TIPARP: variants seen among roughly 807,000 people sequenced by gnomAD.
The protein encoded by TIPARP is TCDD inducible poly(ADP-ribose) polymerase.
TIPARP carries 12 observed loss-of-function variants against 56.5 expected under a neutral mutation model. The observed-to-expected ratio is 0.21, with a 90% CI of 0.14 to 0.34. The LOEUF (loss-of-function observed/expected upper bound fraction) is 0.34, where lower values mean the gene tolerates loss of function less well. Among genes scored for constraint, TIPARP ranks in the 10% least tolerant of loss-of-function variants. TIPARP has a pLI of 1.00. For synonymous variants in TIPARP, 296 were observed against 265.7 expected, an observed-to-expected ratio of 1.11 and a Z score of -1.11; for missense variants, 604 against 781.6, an observed-to-expected ratio of 0.77 and a Z score of 2.71.
intron 2 of TIPARP, chr3:156,681,216 C>T: frequency 2.2e-6 from 1 of 456,544 alleles, no homozygotes; most frequent in Non-Finnish European, 4.4e-6. Flanking sequence ...CATTATTTGG[C>T]TAAAGCTATT....
At position 156,706,762 on chromosome 3, in the gene TIPARP, T is replaced by C. The variant is rs1722993473; in HGVS notation, c.*1631T>C. ...AAGCAAAAATAAAACTTATGGTAAT[T>C]CTTTAAAATTTGTTGTTGTTTTGGT... is the stretch of plus-strand genomic sequence containing the variant. On this transcript the variant is annotated 3_prime_UTR_variant, in exon 6 of 6. Coordinates refer to ENST00000295924, the MANE Select transcript of TIPARP (RefSeq NM_015508.5). 6.6e-6 allele frequency: 1 copy of C among 152,534 alleles called. No homozygotes were observed. The highest frequency in any genetic ancestry group is 2.4e-5 in the African/African-American group (1 of 41,440). The allele number at this position is 152,534 out of a possible 1,614,324, so 9.4% of individuals were successfully genotyped here.
rs368317462 is a variant in TIPARP at position 156,687,622 on chromosome 3, T to A, written c.918-6398T>A. Among the ~76,000 whole-genome samples the A allele has an allele frequency of 6.0e-3, 919 of 152,204 alleles. 3 individuals are homozygous for A. The highest frequency in any genetic ancestry group is 0.021 in the African/African-American group (868 of 41,552). On this transcript the variant is annotated intron_variant, in intron 2 of 5. Coordinates refer to ENST00000295924, the MANE Select transcript of TIPARP (RefSeq NM_015508.5). The stretch of plus-strand genomic sequence containing the variant: ...ATGGCTATGTCTTAGTATCAGTGTG[T>A]TTTGAGAATAAACTGTGTTATGTTT...
Position 156,693,484 on chromosome 3 carries a change from AG to A in TIPARP, c.918-535del, listed in dbSNP as rs368971641. On this transcript the variant is annotated intron_variant, in intron 2 of 5. Coordinates refer to ENST00000295924, the MANE Select transcript of TIPARP (RefSeq NM_015508.5). ...AACATTTTTCAACCCACAGGATAAA[AG>A]ATAATATTGATGTTGGGTGGATTAA... is the stretch of plus-strand genomic sequence containing the variant. Among the ~76,000 whole-genome samples, 455 of 152,296 alleles carry A rather than the reference AG, an allele frequency of 3.0e-3. 3 individuals carry two copies. The highest frequency in any genetic ancestry group is 0.01 in the African/African-American group (429 of 41,562).
Position 156,704,982 on chromosome 3 carries a change from G to A in TIPARP, c.1825G>A (p.Val609Ile), listed in dbSNP as rs759897350. 3.1e-6 allele frequency: 5 copies of A among 1,614,238 alleles called. No individual in the cohort carries two copies. In the Admixed American group the frequency reaches 8.3e-5, roughly 27 times the overall value. The change falls in exon 6 of 6, where the codon GTC becomes ATC. Residue 609 changes from valine (V) to isoleucine (I), a missense_variant. By Grantham distance (29) the Val-to-Ile change is conservative (BLOSUM62 3). Transcript: ENST00000295924. ...GSHGMRRPPP[V>I]NPGSVTSDLY... ...TCATGGCATGAGAAGGCCCCCGCCAGTCAATCCTGGCAGTGTCACCAGTGA... is the reference window on the plus strand; with the variant it reads ...TCATGGCATGAGAAGGCCCCCGCCAATCAATCCTGGCAGTGTCACCAGTGA...
At chr3:156,701,488 G>GA (rs1255268551) in intron 4 of TIPARP, among the ~76,000 whole-genome samples, 1 of 152,134 alleles carries the variant, frequency 6.6e-6, no homozygotes, top group East Asian at 1.9e-4. Context: ...GTGGGCTGGG[G>GA]ACTTACCCTT....
At chr3:156,702,067 TGGTGGTTGTGGTGGTG>T (rs1722860825) in intron 4 of TIPARP, among the ~76,000 whole-genome samples, 2 of 124,208 alleles carry the variant, frequency 1.6e-5, no homozygotes, top group Non-Finnish European at 3.6e-5. Flanking sequence ...GTGGTGGTGG[TGGTGGTTGTGGTGGTG>T]GTGGTGGTGG....
rs1722213007 is a variant in TIPARP, at chr3:156,678,631, A to G, written c.917+17A>G. On this transcript the variant is annotated intron_variant, in intron 2 of 5. Transcript: ENST00000295924. ...GAAGTATGGGTATGTATTTATAACA[A>G]CTTGTAGAACTGTTGTTAAATGCTA... 1.3e-6 allele frequency: 2 copies of G among 1,592,724 alleles called. No individual in the cohort carries two copies. Among genetic ancestry groups the G allele is most frequent in the Non-Finnish European group, 1.7e-6 (2 of 1,168,738 alleles).
intron 2 of TIPARP, among the ~76,000 whole-genome samples, chr3:156,683,472 G>T (rs1722353923): frequency 6.6e-6 from 1 of 151,882 alleles, no homozygotes; most frequent in South Asian, 2.1e-4. Context: ...AAAGTTTTGG[G>T]TTTGAAGCAC....
chr3:156,696,092 A>C, intron 4 of TIPARP, 67 bp downstream of exon 4: 1 of 1,520,336 alleles, frequency 6.6e-7, no homozygotes, highest in East Asian at 2.4e-5. Flanking sequence ...TGAATACTAG[A>C]GATAAAAAAT....
intron 2 of TIPARP, chr3:156,681,215 G>A (rs1203478761): frequency 2.2e-6 from 1 of 456,564 alleles, no homozygotes; most frequent in East Asian, 7.0e-5. Flanking sequence ...ACATTATTTG[G>A]CTAAAGCTAT....
intron 2 of TIPARP, among the ~76,000 whole-genome samples, chr3:156,693,160 C>CA (rs372602719): frequency 6.7e-4 from 102 of 151,810 alleles, no homozygotes; most frequent in African/African-American, 2.4e-3. Flanking sequence ...CAAACATACA[C>CA]AAAAAAGAAA....
rs369171343 is a variant in TIPARP at position 156,696,044 on chromosome 3, G to A, written c.1247+19G>A. On this transcript the variant is annotated intron_variant, in intron 4 of 5. Coordinates refer to ENST00000295924, the MANE Select transcript of TIPARP (RefSeq NM_015508.5). ...ATTTACAGTAAGTGTCGAGTATGAA[G>A]TTGCAATATTTACTCTCATTTTATG... 1.1e-5 allele frequency: 17 copies of A among 1,595,144 alleles called. No individual in the cohort carries two copies. The highest frequency in any genetic ancestry group is 1.4e-5 in the Non-Finnish European group (16 of 1,174,276).
rs776332548 is a variant in TIPARP, at chr3:156,677,906, A to G, written c.209A>G (p.Asp70Gly). The G allele has an allele frequency of 9.3e-6, 15 of 1,614,004 alleles. No individual in the cohort carries two copies. In the South Asian group the frequency reaches 1.1e-4, roughly 12 times the overall value. The change falls in exon 2 of 6, where the codon GAT becomes GGT. Residue 70 changes from aspartate to glycine, a missense_variant. Physicochemically the swap from Asp to Gly is moderately conservative, Grantham distance 94 (BLOSUM62 -1). Around this residue, in one of 4 missense-constraint regions of TIPARP, gnomAD observed 261 missense variants for 279.2 expected, o/e 0.93. Transcript: ENST00000295924. ...LNTLLESGSL[D>G]GVFRSRNQST... Reference sequence around the variant, plus strand: ...ACTCTTCTAGAATCTGGCTCACTTGATGGGGTTTTTAGATCTAGGAACCAG... The same window carrying G: ...ACTCTTCTAGAATCTGGCTCACTTGGTGGGGTTTTTAGATCTAGGAACCAG...
intron 2 of TIPARP, among the ~76,000 whole-genome samples, chr3:156,680,886 T>C (rs144408994): frequency 1.3e-5 from 2 of 152,318 alleles, no homozygotes; most frequent in Non-Finnish European, 2.9e-5. Flanking sequence ...TGAAGTATTA[T>C]AATTACCATT....
intron 2 of TIPARP, among the ~76,000 whole-genome samples, 184 bp downstream of exon 2, chr3:156,678,798 A>G (rs1170155940): frequency 6.6e-6 from 1 of 152,122 alleles, no homozygotes; most frequent in Admixed American, 6.5e-5. Context: ...ACTCAACCGG[A>G]CAATGAAAGT....
At position 156,678,552 on chromosome 3, in the gene TIPARP, T is replaced by G. The variant is rs1221571007; in HGVS notation, c.855T>G (p.Ser285=). ...TQKWQSVFND[S]QEHLERFYCN... is the part of the protein sequence containing the mutation. ...AGTGGCAGAGTGTATTCAATGATTC[T>G]CAGGAGCACTTGGAAAGATTTTACT... is the stretch of plus-strand genomic sequence containing the variant. Residue 285 remains serine (S), a synonymous_variant, in exon 2 of 6, where the codon TCT becomes TCG. Transcript: ENST00000295924. The G allele has an allele frequency of 6.2e-7, 1 of 1,614,192 alleles. No homozygotes were observed. The highest frequency in any genetic ancestry group is 2.2e-5 in the East Asian group (1 of 44,894).
chr3:156,699,125 G>A (rs1328847669), intron 4 of TIPARP, among the ~76,000 whole-genome samples: 2 of 152,174 alleles, frequency 1.3e-5, no homozygotes, highest in Non-Finnish European at 2.9e-5. Context: ...GATGAGTAGA[G>A]AAAGTGGTTT....
At chr3:156,686,312 A>C (rs1722427353) in intron 2 of TIPARP, among the ~76,000 whole-genome samples, 1 of 152,226 alleles carries the variant, frequency 6.6e-6, no homozygotes, top group Non-Finnish European at 1.5e-5. Flanking sequence ...GGCTTTGTAG[A>C]ATCCAACTCC....
At chr3:156,677,289 GT>G (rs534439326) in intron 1 of TIPARP, among the ~76,000 whole-genome samples, 12 of 152,222 alleles carry the variant, frequency 7.9e-5, no homozygotes, top group African/African-American at 2.6e-4. Flanking sequence ...TGGAAATGTG[GT>G]TTCCCTGCTG....
Sources: allele counts gnomAD v4.1 joint callset (sites outside exome capture counted in the v4.1 genomes callset), GRCh38; gene constraint gnomAD v4.1.1; regional missense constraint gnomAD v4.1.1; transcripts MANE v1.5; gene names NCBI Gene and HGNC (gene_info 2026-07-23, HGNC 2026-07-21).